The following ZBTB20 variants were observed in gnomAD, a reference collection of about 807,000 sequenced individuals.
The protein encoded by ZBTB20 is zinc finger and BTB domain containing 20, also known as zinc finger and BTB domain-containing protein 20.
ZBTB20 carries 9 observed loss-of-function variants against 56.9 expected under a neutral mutation model. That is an observed-to-expected ratio of 0.16 (90% CI 0.10 to 0.28). The LOEUF is 0.28. Among genes scored for constraint, ZBTB20 ranks in the 10% least tolerant of loss-of-function variants. The probability of loss-of-function intolerance (pLI) is 1.00; values close to 1 mark genes in which losing one functional copy is unlikely to be tolerated. For missense variants in ZBTB20, 655 were observed against 1,003.0 expected, an observed-to-expected ratio of 0.65 and a Z score of 4.69; for synonymous variants, 417 against 420.7, an observed-to-expected ratio of 0.99 and a Z score of 0.11.
intron 10 of ZBTB20, among the ~76,000 whole-genome samples, chr3:114,365,889 G>A (rs1181952618): frequency 6.6e-6 from 1 of 152,088 alleles, no homozygotes; most frequent in Non-Finnish European, 1.5e-5. Context: ...AAAGCAGAGG[G>A]TATTTGTGAT....
intron 1 of ZBTB20, among the ~76,000 whole-genome samples, chr3:115,105,861 A>G (rs2083705679): frequency 6.6e-6 from 1 of 152,208 alleles, no homozygotes; most frequent in Non-Finnish European, 1.5e-5. Flanking sequence ...TCCGTCGCCC[A>G]GGCTGGAGTG....
At chr3:114,397,209 C>CA (rs1418758409) in intron 7 of ZBTB20, among the ~76,000 whole-genome samples, 1 of 152,184 alleles carries the variant, frequency 6.6e-6, no homozygotes, top group African/African-American at 2.4e-5. Flanking sequence ...AAAGGCTACA[C>CA]ATGCATGCTA....
At chr3:114,989,797 G>C (rs6809298) in intron 2 of ZBTB20, among the ~76,000 whole-genome samples, 13,847 of 151,724 alleles carry the variant, frequency 0.091, 1,846 homozygotes, top group African/African-American at 0.29. Context: ...GTTTGTAGTT[G>C]TCCTTGAAGA....
At chr3:114,995,883 G>A (rs879374446) in intron 2 of ZBTB20, among the ~76,000 whole-genome samples, 3 of 151,770 alleles carry the variant, frequency 2.0e-5, no homozygotes, top group Non-Finnish European at 4.4e-5. Flanking sequence ...TGTTAGTCAC[G>A]TATGCCAGTT....
intron 6 of ZBTB20, among the ~76,000 whole-genome samples, chr3:114,627,558 T>C (rs1358855073): frequency 1.3e-5 from 2 of 152,194 alleles, no homozygotes; most frequent in Non-Finnish European, 2.9e-5. Context: ...CAGACCCATG[T>C]AAATGACAAG....
At chr3:114,455,038 A>G (rs2109068415) in intron 7 of ZBTB20, among the ~76,000 whole-genome samples, 1 of 136,160 alleles carries the variant, frequency 7.3e-6, no homozygotes, top group African/African-American at 2.7e-5. Context: ...AGGAAGAGAG[A>G]GGGGGAAGAG....
chr3:114,393,632 G>A (rs544124621), intron 7 of ZBTB20, among the ~76,000 whole-genome samples: 22 of 152,296 alleles, frequency 1.4e-4, no homozygotes, highest in African/African-American at 5.3e-4. Flanking sequence ...GATTCGGTGA[G>A]AATGACTTCA....
At chr3:115,124,368 A>G (rs1260398298) in intron 1 of ZBTB20, among the ~76,000 whole-genome samples, 3 of 152,208 alleles carry the variant, frequency 2.0e-5, no homozygotes, top group African/African-American at 7.2e-5. Flanking sequence ...CATCATCAAC[A>G]AATGTAAGCC....
At chr3:114,975,491 T>G (rs2078060777) in intron 2 of ZBTB20, among the ~76,000 whole-genome samples, 1 of 152,154 alleles carries the variant, frequency 6.6e-6, no homozygotes, top group South Asian at 2.1e-4. Flanking sequence ...GCATGCACAG[T>G]ATTTTTGCAA....
intron 4 of ZBTB20, among the ~76,000 whole-genome samples, chr3:114,898,575 A>G (rs1576266702): frequency 6.6e-6 from 1 of 152,234 alleles, no homozygotes; most frequent in Middle Eastern, 3.4e-3. Context: ...TATTTCTAAT[A>G]CAACTCCAGA....
intron 3 of ZBTB20, among the ~76,000 whole-genome samples, chr3:114,924,980 CTTTTTTTTTTTT>C (rs578028983): frequency 4.0e-5 from 4 of 99,918 alleles, no homozygotes; most frequent in Non-Finnish European, 6.2e-5. Context: ...TTTGGTTCTT[CTTTTTTTTTTTT>C]TTTTTTTTTT....
chr3:114,858,051 A>G (rs2075331132), intron 4 of ZBTB20, among the ~76,000 whole-genome samples: 1 of 152,228 alleles, frequency 6.6e-6, no homozygotes. Flanking sequence ...AAGTGAATAC[A>G]GTGCATTTGT....
chr3:114,646,749 T>A (rs1389988844), intron 6 of ZBTB20, among the ~76,000 whole-genome samples: 1 of 152,194 alleles, frequency 6.6e-6, no homozygotes, highest in African/African-American at 2.4e-5. Flanking sequence ...GCAATTTGTA[T>A]GGAAAGGCGG....
intron 5 of ZBTB20, among the ~76,000 whole-genome samples, chr3:114,754,121 G>A (rs147173102): frequency 2.3e-4 from 35 of 152,236 alleles, no homozygotes; most frequent in African/African-American, 7.7e-4. Context: ...AGAGTGCCAC[G>A]TGAGAGGTGC....
chr3:114,650,553 C>G (rs983586547), intron 6 of ZBTB20, among the ~76,000 whole-genome samples: 1 of 151,904 alleles, frequency 6.6e-6, no homozygotes, highest in Non-Finnish European at 1.5e-5. Flanking sequence ...ATTCTGACAG[C>G]CTTTTAGTCT....
chr3:114,320,639 T>TTATA lies in ZBTB20; in HGVS notation c.*18365_*18366insTATA. On this transcript the variant is annotated 3_prime_UTR_variant, in exon 12 of 12. Coordinates refer to ENST00000675478, the MANE Select transcript of ZBTB20 (RefSeq NM_001348800.3). ...CAACTTTTAATCTTTTACTCCCTAG[T>TTATA]TCTTTATATCTTTAAAATGAACAAA... is the stretch of plus-strand genomic sequence containing the variant. 1 of 152,194 alleles carries TTATA rather than the reference T, an allele frequency of 6.6e-6. No homozygotes were observed. The highest frequency in any genetic ancestry group is 1.5e-5 in the Non-Finnish European group (1 of 68,040). 9.4% of individuals were successfully genotyped at this position (152,194 alleles called of 1,614,324 possible). A position where few individuals can be genotyped will look rare whatever the true frequency, so the allele number is the denominator to read the frequency against.
At chr3:115,146,119 C>T (rs935604171) in intron 1 of ZBTB20, among the ~76,000 whole-genome samples, 1 of 152,214 alleles carries the variant, frequency 6.6e-6, no homozygotes, top group African/African-American at 2.4e-5. Flanking sequence ...AGCTTCCAAA[C>T]TACTTCCTGA....
chr3:114,834,794 T>C (rs1322801363), intron 4 of ZBTB20, among the ~76,000 whole-genome samples: 1 of 152,122 alleles, frequency 6.6e-6, no homozygotes, highest in African/African-American at 2.4e-5. Context: ...AAGTGTCTGA[T>C]TGAGTTAGAT....
At chr3:114,617,871 C>T (rs1480343801) in intron 6 of ZBTB20, among the ~76,000 whole-genome samples, 2 of 152,100 alleles carry the variant, frequency 1.3e-5, no homozygotes, top group East Asian at 3.8e-4. Flanking sequence ...ATGCTGTCCC[C>T]CAATGAAGAC....
Sources: allele counts gnomAD v4.1 joint callset (sites outside exome capture counted in the v4.1 genomes callset), GRCh38; gene constraint gnomAD v4.1.1; transcripts MANE v1.5; gene names NCBI Gene and HGNC (gene_info 2026-07-23, HGNC 2026-07-21).